TXNRD1: variants seen among roughly 807,000 people sequenced by gnomAD.
TXNRD1 encodes the protein thioredoxin reductase 1.
TXNRD1 carries 57 observed loss-of-function variants against 80.3 expected under a neutral mutation model. That is an observed-to-expected ratio of 0.71 (90% CI 0.57 to 0.89). The LOEUF (loss-of-function observed/expected upper bound fraction) is 0.89. Among genes scored for constraint, TXNRD1 ranks in the 40% least tolerant of loss-of-function variants. TXNRD1 has a pLI of 0.00. For synonymous variants in TXNRD1, 291 were observed against 285.2 expected (o/e 1.02, Z -0.20); for missense variants, 730 against 803.0 (o/e 0.91, Z 1.10).
chr12:104,237,035 TG>T (rs1287867070), intron 1 of TXNRD1, among the ~76,000 whole-genome samples: 12 of 144,884 alleles, frequency 8.3e-5, no homozygotes, highest in Non-Finnish European at 1.7e-4. Context: ...GACTCCGTTC[TG>T]GGGGGGTTGG....
chr12:104,303,706 G>A, intron 4 of TXNRD1: 1 of 645,864 alleles, frequency 1.5e-6, no homozygotes, highest in Non-Finnish European at 2.4e-6. Context: ...GCGTGCTGGG[G>A]GCGGGTCGCG....
intron 10 of TXNRD1, 33 bp downstream of exon 10, chr12:104,321,349 T>A (rs1339236417): frequency 6.4e-7 from 1 of 1,571,680 alleles, no homozygotes; most frequent in Non-Finnish European, 8.8e-7. Context: ...TTCTTGATTC[T>A]ACATTCACAG....
chr12:104,219,907 G>T (rs1277321004), intron 1 of TXNRD1, among the ~76,000 whole-genome samples: 2 of 152,144 alleles, frequency 1.3e-5, no homozygotes, highest in African/African-American at 4.8e-5. Flanking sequence ...ACCTGCAAGA[G>T]AATTAATTAC....
At chr12:104,324,126 T>C (rs1395954140) in intron 10 of TXNRD1, among the ~76,000 whole-genome samples, 1 of 152,018 alleles carries the variant, frequency 6.6e-6, no homozygotes, top group Non-Finnish European at 1.5e-5. Context: ...AGGGTGGAGG[T>C]GGGATGAGGC....
At chr12:104,316,475 C>T (rs552125630) in intron 7 of TXNRD1, among the ~76,000 whole-genome samples, 17 of 152,252 alleles carry the variant, frequency 1.1e-4, no homozygotes, top group African/African-American at 1.2e-4. Context: ...CTGCAAGCTC[C>T]GCCTCCCGGG....
At chr12:104,298,739 A>T (rs1041381015) in intron 4 of TXNRD1, among the ~76,000 whole-genome samples, 5 of 152,128 alleles carry the variant, frequency 3.3e-5, no homozygotes, top group Admixed American at 1.3e-4. Flanking sequence ...AAAATAAAAA[A>T]TAAAAAAAAT....
chr12:104,247,482 A>G (rs901419734), intron 1 of TXNRD1, among the ~76,000 whole-genome samples: 25 of 152,268 alleles, frequency 1.6e-4, no homozygotes, highest in African/African-American at 5.8e-4. Context: ...ATTGAGGGGG[A>G]AAAATAAGCA....
intron 3 of TXNRD1, among the ~76,000 whole-genome samples, chr12:104,267,645 GTATCTTTCTTTC>G (rs1212179310): frequency 2.9e-5 from 3 of 103,506 alleles, no homozygotes; most frequent in African/African-American, 1.1e-4. Flanking sequence ...AGATGTGATG[GTATCTTTCTTTC>G]TTTCTTTCTT....
chr12:104,337,599 G>C (rs2036182260), intron 15 of TXNRD1, among the ~76,000 whole-genome samples: 1 of 151,854 alleles, frequency 6.6e-6, no homozygotes, highest in African/African-American at 2.4e-5. Flanking sequence ...GCTCACGCCT[G>C]TAATCCCAGC....
intron 2 of TXNRD1, among the ~76,000 whole-genome samples, chr12:104,252,542 T>C (rs1373075238): frequency 1.1e-4 from 17 of 150,538 alleles, no homozygotes; most frequent in Non-Finnish European, 1.5e-5. Flanking sequence ...TGGTGCTTCA[T>C]AGGAAGGCTG....
At chr12:104,308,915 T>TG (rs1397079421) in intron 4 of TXNRD1, among the ~76,000 whole-genome samples, 4 of 151,062 alleles carry the variant, frequency 2.6e-5, no homozygotes, top group Non-Finnish European at 4.4e-5. Flanking sequence ...TTTTTTTTTT[T>TG]GAGACGGAGT....
intron 1 of TXNRD1, among the ~76,000 whole-genome samples, chr12:104,247,787 T>A (rs1299706495): frequency 1.3e-5 from 2 of 152,208 alleles, no homozygotes; most frequent in African/African-American, 4.8e-5. Flanking sequence ...GTGGTGCCCT[T>A]GGCATAGATG....
At chr12:104,315,242 TCCC>T (rs1443227009) in intron 6 of TXNRD1, among the ~76,000 whole-genome samples, 2 of 152,134 alleles carry the variant, frequency 1.3e-5, no homozygotes, top group African/African-American at 2.4e-5. Context: ...ACACCTAACC[TCCC>T]GAACATCATA....
chr12:104,242,612 T>C (rs1247298608), intron 1 of TXNRD1, among the ~76,000 whole-genome samples: 2 of 152,102 alleles, frequency 1.3e-5, no homozygotes, highest in African/African-American at 4.8e-5. Flanking sequence ...ACAGCATCAA[T>C]ATTAAATTTA....
chr12:104,262,417 C>T (rs113418004), intron 3 of TXNRD1: 2 of 152,078 alleles, frequency 1.3e-5, no homozygotes, highest in Admixed American at 1.3e-4. Context: ...TTCATGTCTT[C>T]GAGGAGCTTG....
At chr12:104,256,561 A>T (rs1394693168) in intron 2 of TXNRD1, among the ~76,000 whole-genome samples, 2 of 152,026 alleles carry the variant, frequency 1.3e-5, no homozygotes, top group African/African-American at 4.8e-5. Context: ...TGGGCAGATC[A>T]CGAGGTCAGG....
intron 4 of TXNRD1, among the ~76,000 whole-genome samples, chr12:104,299,488 G>A (rs2034544372): frequency 6.6e-6 from 1 of 152,016 alleles, no homozygotes; most frequent in East Asian, 1.9e-4. Context: ...AAGAGAAACT[G>A]CCAGGCACAG....
intron 2 of TXNRD1, among the ~76,000 whole-genome samples, chr12:104,252,029 A>G (rs1435457640): frequency 6.8e-6 from 1 of 146,432 alleles, no homozygotes; most frequent in Non-Finnish European, 1.5e-5. Context: ...GTGCCACTGC[A>G]CTCCAGCTTG....
chr12:104,265,986 G>C (rs1323606682), intron 3 of TXNRD1: 5 of 595,564 alleles, frequency 8.4e-6, no homozygotes, highest in Non-Finnish European at 8.7e-6. Context: ...AATAATAATA[G>C]GTTTTTAAAA....
Sources: allele counts gnomAD v4.1 joint callset (sites outside exome capture counted in the v4.1 genomes callset), GRCh38; gene constraint gnomAD v4.1.1; transcripts MANE v1.5; gene names NCBI Gene and HGNC (gene_info 2026-07-23, HGNC 2026-07-21).